Variants in GPATCH2 observed in about 807,000 individuals in gnomAD.
The protein encoded by GPATCH2 is G patch domain-containing protein 2.
In GPATCH2, 51 loss-of-function variants were observed where a neutral mutation model predicts 58.0. That is an observed-to-expected ratio of 0.88 (90% CI 0.70 to 1.11). The LOEUF is 1.11. Ranked by LOEUF, GPATCH2 falls within the 50% of genes most tolerant of loss-of-function variation. The probability of loss-of-function intolerance (pLI) is 0.00; values close to 1 mark genes in which losing one functional copy is unlikely to be tolerated. For missense variants in GPATCH2, 625 were observed against 652.2 expected (o/e 0.96, Z 0.45); for synonymous variants, 222 against 218.5 (o/e 1.02, Z -0.14).
At chr1:217,461,209 T>C (rs938472092) in intron 8 of GPATCH2, among the ~76,000 whole-genome samples, 1 of 152,168 alleles carries the variant, frequency 6.6e-6, no homozygotes, top group African/African-American at 2.4e-5. Flanking sequence ...TTTTGAAATA[T>C]GTCAGACAGT....
chr1:217,556,123 G>A (rs142642300), intron 5 of GPATCH2, among the ~76,000 whole-genome samples: 103 of 152,084 alleles, frequency 6.8e-4, no homozygotes, highest in African/African-American at 2.4e-3. Flanking sequence ...CCATTAATGG[G>A]ATAGAATAAA....
chr1:217,496,448 T>TTTTG lies in GPATCH2; in HGVS notation c.1206+1904_1206+1907dup, dbSNP rs200615102. ...TTTAATGCTATGAGTTTTTTGGGTTTTTTGTTTGTTTGTTTGTTTGTTTTG... is the reference window on the plus strand; with the variant it reads ...TTTAATGCTATGAGTTTTTTGGGTTTTTTGTTTGTTTGTTTGTTTGTTTGTTTTG... On this transcript the variant is annotated intron_variant, in intron 7 of 9. Transcript: ENST00000366935. Among the ~76,000 whole-genome samples, 7 of 152,246 alleles carry TTTTG rather than the reference T, an allele frequency of 4.6e-5. No individual in the cohort carries two copies. In the East Asian group the frequency reaches 1.2e-3, roughly 25 times the overall value.
At chr1:217,540,588 C>A (rs1219584305) in intron 5 of GPATCH2, among the ~76,000 whole-genome samples, 1 of 152,174 alleles carries the variant, frequency 6.6e-6, no homozygotes, top group African/African-American at 2.4e-5. Context: ...AACTTTATTA[C>A]ACTAAAGTAC....
chr1:217,476,366 C>T (rs1483090963), intron 8 of GPATCH2, among the ~76,000 whole-genome samples: 1 of 151,548 alleles, frequency 6.6e-6, no homozygotes, highest in Non-Finnish European at 1.5e-5. Context: ...CCCTCCAGGA[C>T]ACCAATGTAA....
chr1:217,499,044 C>T (rs891764714), intron 6 of GPATCH2, among the ~76,000 whole-genome samples: 3 of 152,182 alleles, frequency 2.0e-5, no homozygotes, highest in East Asian at 1.9e-4. Flanking sequence ...CTCTTAATAC[C>T]GATGTATCTG....
chr1:217,571,703 C>CA (rs11463536), intron 5 of GPATCH2, among the ~76,000 whole-genome samples: 16,733 of 72,582 alleles, frequency 0.23, 1,401 homozygotes, highest in East Asian at 0.33. Flanking sequence ...AAAACGAAAC[C>CA]AAAAAAAAAA....
intron 5 of GPATCH2, among the ~76,000 whole-genome samples, chr1:217,570,867 C>T (rs1395750292): frequency 6.6e-6 from 1 of 152,174 alleles, no homozygotes; most frequent in East Asian, 1.9e-4. Context: ...GCGTATCTGA[C>T]AGTCTTTAAT....
At chr1:217,448,741 A>G (rs1659511163) in intron 9 of GPATCH2, among the ~76,000 whole-genome samples, 1 of 152,168 alleles carries the variant, frequency 6.6e-6, no homozygotes, top group South Asian at 2.1e-4. Context: ...TTCGCAATCT[A>G]GTACTAATGT....
intron 8 of GPATCH2, among the ~76,000 whole-genome samples, chr1:217,474,280 A>G (rs1369653333): frequency 6.6e-6 from 1 of 152,186 alleles, no homozygotes; most frequent in Non-Finnish European, 1.5e-5. Context: ...TCCTCATAGA[A>G]AGGATTAAAA....
chr1:217,538,212 AATG>A (rs1167726637), intron 5 of GPATCH2, among the ~76,000 whole-genome samples: 1 of 152,220 alleles, frequency 6.6e-6, no homozygotes, highest in Non-Finnish European at 1.5e-5. Context: ...TGGCAGTTCT[AATG>A]ATGTGACTCA....
intron 7 of GPATCH2, chr1:217,494,957 A>T (rs1411718887): frequency 5.4e-6 from 1 of 186,354 alleles, no homozygotes; most frequent in Non-Finnish European, 1.0e-5. Flanking sequence ...TTCTGACTCA[A>T]TAATGTCAAC....
In GPATCH2 at chr1:217,620,385, T is replaced by C; in HGVS notation, c.171A>G (p.Ile57Met). ...FAETGDHSRS[I>M]SCPLKRQARK... Reference sequence around the variant, plus strand: ...TTGCCTGGCGTTTCAGAGGGCAAGATATACTTCGAGAATGGTCTCCTGTTT... The same window carrying C: ...TTGCCTGGCGTTTCAGAGGGCAAGACATACTTCGAGAATGGTCTCCTGTTT... Residue 57 changes from isoleucine (I) to methionine (M), a missense_variant, in exon 2 of 10, where the codon ATA becomes ATG. Transcript: ENST00000366935. The C allele has an allele frequency of 6.2e-7, 1 of 1,613,988 alleles. No homozygotes were observed. The highest frequency in any genetic ancestry group is 8.5e-7 in the Non-Finnish European group (1 of 1,179,896).
chr1:217,555,955 T>C (rs1665597858), intron 5 of GPATCH2, among the ~76,000 whole-genome samples: 1 of 152,192 alleles, frequency 6.6e-6, no homozygotes, highest in South Asian at 2.1e-4. Context: ...CTTTGTACTA[T>C]ACAACAGGCA....
At chr1:217,582,554 G>A (rs1242492112) in intron 5 of GPATCH2, among the ~76,000 whole-genome samples, 2 of 151,990 alleles carry the variant, frequency 1.3e-5, no homozygotes, top group African/African-American at 4.8e-5. Context: ...AGCAGGAAAA[G>A]CAACACCACA....
intron 3 of GPATCH2, among the ~76,000 whole-genome samples, chr1:217,612,093 T>A (rs1668660864): frequency 6.6e-6 from 1 of 151,728 alleles, no homozygotes; most frequent in African/African-American, 2.4e-5. Context: ...GGCAGGAGGA[T>A]CCCTTGAGCC....
chr1:217,517,660 G>C (rs1663233724), intron 5 of GPATCH2, among the ~76,000 whole-genome samples: 1 of 152,014 alleles, frequency 6.6e-6, no homozygotes, highest in African/African-American at 2.4e-5. Context: ...AAAAATTAAA[G>C]AAGCAGTTTT....
intron 9 of GPATCH2, among the ~76,000 whole-genome samples, chr1:217,434,051 G>C (rs1404443521): frequency 1.3e-5 from 2 of 152,148 alleles, no homozygotes; most frequent in Non-Finnish European, 2.9e-5. Flanking sequence ...TTCCTTAAAG[G>C]GAGTAAGAAC....
intron 8 of GPATCH2, among the ~76,000 whole-genome samples, chr1:217,490,934 G>A (rs1344424296): frequency 6.6e-6 from 1 of 152,196 alleles, no homozygotes; most frequent in East Asian, 1.9e-4. Context: ...GCATTAGTCT[G>A]CATGACATGG....
chr1:217,615,582 C>T (rs1260598101), intron 2 of GPATCH2, among the ~76,000 whole-genome samples: 2 of 152,038 alleles, frequency 1.3e-5, no homozygotes, highest in Non-Finnish European at 2.9e-5. Flanking sequence ...ATTAACACAA[C>T]TCAAATGAAG....
Sources: gnomAD v4.1 joint callset for allele counts (sites outside exome capture counted in the v4.1 genomes callset) on GRCh38, gnomAD v4.1.1 for gene constraint, MANE v1.5 for transcripts, NCBI Gene and HGNC (gene_info 2026-07-23, HGNC 2026-07-21) for gene names.